HSPG2: variants seen among roughly 807,000 people sequenced by gnomAD.
HSPG2 encodes basement membrane-specific heparan sulfate proteoglycan core protein.
Under a neutral mutation model 526.6 loss-of-function variants are expected in HSPG2, and 278 were observed. The ratio of observed to expected loss-of-function variants is 0.53; its 90% CI spans 0.48 to 0.58. HSPG2 has a LOEUF of 0.58. Among genes scored for constraint, HSPG2 ranks in the 20% least tolerant of loss-of-function variants. The pLI is 0.00. For synonymous variants in HSPG2, 2,465 were observed against 2,555.4 expected (o/e 0.96, Z 1.07); for missense variants, 5,354 against 6,099.5 (o/e 0.88, Z 4.07).
intron 1 of HSPG2, among the ~76,000 whole-genome samples, chr1:21,926,340 C>T (rs1644190876): frequency 6.6e-6 from 1 of 152,028 alleles, no homozygotes; most frequent in Non-Finnish European, 1.5e-5. Flanking sequence ...GGGAGGAGAA[C>T]CTGCAGGTCC....
chr1:21,929,091 A>T (rs1644282331), intron 1 of HSPG2, among the ~76,000 whole-genome samples: 1 of 152,130 alleles, frequency 6.6e-6, no homozygotes, highest in African/African-American at 2.4e-5. Context: ...TTCACCTACT[A>T]TCTGCCTAGC....
At position 21,873,972 on chromosome 1, in the gene HSPG2, G is replaced by T. The variant is rs1296779965; in HGVS notation, c.3696C>A (p.Pro1232=). Residue 1232 remains proline (P), a synonymous_variant, in exon 29 of 97, where the codon CCC becomes CCA. Transcript: ENST00000374695. Reference sequence around the variant, plus strand: ...GGCCTGGGGAGCACGCATCACAGGTGGGGTGGCCGTCTGTGTCCAGAAAAC... The same window carrying T: ...GGCCTGGGGAGCACGCATCACAGGTTGGGTGGCCGTCTGTGTCCAGAAAAC... ...HTCFLDTDGH[P]TCDACSPGHS... 1.2e-6 allele frequency: 2 copies of T among 1,606,924 alleles called. No individual in the cohort carries two copies. The highest frequency in any genetic ancestry group is 3.4e-5 in the Admixed American group (2 of 59,236).
chr1:21,860,350 G>A lies in HSPG2; in HGVS notation c.4956-115C>T. ...ACCCAATGTCAGGTGAGGAGGCTCG[G>A]AGCTCTGGAAGCACTTTGGGGACCA... is the stretch of plus-strand genomic sequence containing the variant. On this transcript the variant is annotated intron_variant, in intron 39 of 96. Coordinates refer to ENST00000374695, the MANE Select transcript of HSPG2 (RefSeq NM_005529.7). 7 of 943,698 alleles carry A rather than the reference G, an allele frequency of 7.4e-6. No homozygotes were observed. The South Asian group carries it at 1.1e-4, about 15-fold the overall frequency. 58.5% of individuals were successfully genotyped at this position (943,698 alleles called of 1,614,324 possible).
In HSPG2 at chr1:21,898,574, A is replaced by G. The variant is rs971793688; in HGVS notation, c.64-2264T>C. Among the ~76,000 whole-genome samples, 1 of 152,256 alleles carries G rather than the reference A, an allele frequency of 6.6e-6. No homozygotes were observed. The highest frequency in any genetic ancestry group is 2.4e-5 in the African/African-American group (1 of 41,482). ...TTGTGCATGTCCAGGGGATTCCCAC[A>G]GTCCCTGGTTAGAACCGTAAGACCA... On this transcript the variant is annotated intron_variant, in intron 1 of 96. Transcript: ENST00000374695. The surrounding 1 kb of genome is among the most constrained non-coding windows in gnomAD (Gnocchi z 4.0).
chr1:21,926,966 G>A (rs936525212), intron 1 of HSPG2, among the ~76,000 whole-genome samples: 2 of 152,120 alleles, frequency 1.3e-5, no homozygotes, highest in South Asian at 2.1e-4. Context: ...AGTTAGGAGG[G>A]GGAGGCCAGG....
At position 21,878,457 on chromosome 1, in the gene HSPG2, G is replaced by A; in HGVS notation, c.2593C>T (p.Pro865Ser). ...CTGACGGGCCTGCACTTCCCGCCGG[G>A]CTGGATGGGGTTGCCCTCGTATCCG... ...APGYEGNPIQ[P>S]GGKCRPVNQE... is the part of the protein sequence containing the mutation. The change falls in exon 20 of 97, where the codon CCC (proline) becomes TCC (serine). Residue 865 changes from proline to serine, a missense_variant. Pro to Ser is a moderately conservative substitution (Grantham distance 74, BLOSUM62 -1). Transcript: ENST00000374695. 6.2e-7 allele frequency: 1 copy of A among 1,609,152 alleles called. No individual in the cohort carries two copies. Among genetic ancestry groups the A allele is most frequent in the Non-Finnish European group, 8.5e-7 (1 of 1,176,868 alleles).
intron 1 of HSPG2, among the ~76,000 whole-genome samples, chr1:21,918,438 A>C (rs1428600867): frequency 6.7e-6 from 1 of 149,842 alleles, no homozygotes; most frequent in Non-Finnish European, 1.5e-5. Context: ...GCACTCCAGC[A>C]TGGGCAACAA....
chr1:21,836,810 C>A lies in HSPG2; in HGVS notation c.10347G>T (p.Gly3449=), dbSNP rs1479980282. The A allele has an allele frequency of 1.3e-6, 2 of 1,563,754 alleles. No individual in the cohort carries two copies. Among genetic ancestry groups the A allele is most frequent in the African/African-American group, 1.4e-5 (1 of 73,884 alleles). Reference sequence around the variant, plus strand: ...CCCCCGGCCCCACTCACCGGAGCACCCCATCCTGCACGCTGTGACCCGGAG... The same window carrying A: ...CCCCCGGCCCCACTCACCGGAGCACACCATCCTGCACGCTGTGACCCGGAG... ...QLPPGHSVQD[G]VLRIQNLDQS... Residue 3449 remains glycine, a synonymous_variant, in exon 75 of 97, where the codon GGG becomes GGT. Coordinates refer to ENST00000374695, the MANE Select transcript of HSPG2 (RefSeq NM_005529.7).
chr1:21,928,810 C>T lies in HSPG2; in HGVS notation c.63+8345G>A, dbSNP rs530555314. On this transcript the variant is annotated intron_variant, in intron 1 of 96. Coordinates refer to ENST00000374695, the MANE Select transcript of HSPG2 (RefSeq NM_005529.7). ...TGTTGCTCAGGCTGGAGTGCAATGG[C>T]GCGATCTCAGCTCACCACAACCTCC... is the stretch of plus-strand genomic sequence containing the variant. 9.9e-5 allele frequency among the ~76,000 whole-genome samples: 15 copies of T among 151,138 alleles called. No homozygotes were observed. In the East Asian group the frequency reaches 2.9e-3, roughly 30 times the overall value.
rs996848230 is a variant in HSPG2 at position 21,874,547 on chromosome 1, A to G, written c.3529-14T>C. 2 of 1,613,538 alleles carry G rather than the reference A, an allele frequency of 1.2e-6. No homozygotes were observed. The highest frequency in any genetic ancestry group is 1.3e-5 in the African/African-American group (1 of 74,902). ...ATGCTGGCAGCCCTGGAGGAGCAGG[A>G]TGTGAGTTGAGGCTGGGCCTCCAGA... On this transcript the variant is annotated splice_polypyrimidine_tract_variant and intron_variant, in intron 27 of 96. Coordinates refer to ENST00000374695, the MANE Select transcript of HSPG2 (RefSeq NM_005529.7).
intron 64 of HSPG2, among the ~76,000 whole-genome samples, chr1:21,845,343 T>G (rs1412327558): frequency 6.6e-6 from 1 of 152,220 alleles, no homozygotes; most frequent in Non-Finnish European, 1.5e-5. Flanking sequence ...TTTTTGTCCC[T>G]TATATGCCAC....
chr1:21,910,391 C>T (rs1380338081), intron 1 of HSPG2, among the ~76,000 whole-genome samples: 1 of 152,212 alleles, frequency 6.6e-6, no homozygotes, highest in African/African-American at 2.4e-5. Flanking sequence ...AGGAAGCCCA[C>T]AGGGCTGCCT....
At position 21,841,211 on chromosome 1, in the gene HSPG2, C is replaced by A; in HGVS notation, c.9403G>T (p.Val3135Phe). 3 of 1,613,914 alleles carry A rather than the reference C, an allele frequency of 1.9e-6. No individual in the cohort carries two copies. The highest frequency in any genetic ancestry group is 2.5e-6 in the Non-Finnish European group (3 of 1,180,036). ...GAGGAGCGGGGCTCCCCGGCACTGA[C>A]ACACTCCAGGGTGACAGCCTTTCCC... ...KVGKAVTLEC[V>F]SAGEPRSSAR... The change falls in exon 71 of 97, where the codon GTC becomes TTC. Residue 3135 changes from valine to phenylalanine, a missense_variant. Physicochemically the swap from Val to Phe is conservative, Grantham distance 50. Transcript: ENST00000374695.
rs773918784 is a variant in HSPG2, at chr1:21,827,873, G to A, written c.12579C>T (p.Ser4193=). 16 of 1,586,064 alleles carry A rather than the reference G, an allele frequency of 1.0e-5. No homozygotes were observed. The highest frequency in any genetic ancestry group is 1.2e-5 in the Non-Finnish European group (14 of 1,166,250). The change falls in exon 91 of 97, where the codon AGC becomes AGT. Residue 4193 remains serine, a synonymous_variant. Transcript: ENST00000374695. ...ATGGCAAGTACTCACCATTGCCCCC[G>A]CTGCCTTCAAGATGCCAGTCGGACT... ...IAESDWHLEG[S]GGNDAPGQYG...
intron 1 of HSPG2, among the ~76,000 whole-genome samples, chr1:21,935,051 C>A (rs35337208): frequency 0.19 from 29,521 of 151,774 alleles, 3,711 homozygotes; most frequent in East Asian, 0.42. Context: ...GGATTACAAG[C>A]ATGCGCCACC....
intron 3 of HSPG2, among the ~76,000 whole-genome samples, chr1:21,891,514 T>A (rs1182989739): frequency 6.6e-6 from 1 of 152,174 alleles, no homozygotes; most frequent in East Asian, 1.9e-4. Flanking sequence ...CACGCCCGCA[T>A]CCCCAGTGCC....
At chr1:21,894,254 G>T (rs1642586700) in intron 3 of HSPG2, among the ~76,000 whole-genome samples, 1 of 152,074 alleles carries the variant, frequency 6.6e-6, no homozygotes, top group African/African-American at 2.4e-5. Context: ...GAGGGGAAGA[G>T]CCATCTCAGG....
intron 91 of HSPG2, among the ~76,000 whole-genome samples, chr1:21,826,538 T>G (rs1309345866): frequency 6.6e-6 from 1 of 150,496 alleles, no homozygotes; most frequent in East Asian, 2.0e-4. Flanking sequence ...GGAGTTTCGC[T>G]CTTGTTGCCC....
chr1:21,930,396 T>A (rs1644317068), intron 1 of HSPG2, among the ~76,000 whole-genome samples: 1 of 152,228 alleles, frequency 6.6e-6, no homozygotes, highest in Non-Finnish European at 1.5e-5. Flanking sequence ...GTATTTCATT[T>A]ATTGTCTGTC....
Sources: allele counts gnomAD v4.1 joint callset (sites outside exome capture counted in the v4.1 genomes callset), GRCh38; gene constraint gnomAD v4.1.1; non-coding constraint Gnocchi (gnomAD v3.1); transcripts MANE v1.5; gene names NCBI Gene and HGNC (gene_info 2026-07-23, HGNC 2026-07-21).